The following SRBD1 variants were observed in gnomAD, a reference collection of about 807,000 sequenced individuals.
SRBD1 encodes the protein S1 RNA-binding domain-containing protein 1.
A neutral mutation model predicts 115.3 loss-of-function variants in SRBD1; 88 were observed. The ratio of observed to expected loss-of-function variants is 0.76; its 90% CI spans 0.64 to 0.91. The LOEUF is 0.91. SRBD1 is among the 40% of genes least tolerant of loss of function. The probability of loss-of-function intolerance (pLI) is 0.00; values close to 1 mark genes in which losing one functional copy is unlikely to be tolerated. For synonymous variants in SRBD1, 509 were observed against 407.7 expected (o/e 1.25, Z -2.99); for missense variants, 1,385 against 1,177.4 (o/e 1.18, Z -2.58).
At chr2:45,457,228 C>G (rs991581624) in intron 16 of SRBD1, among the ~76,000 whole-genome samples, 1 of 151,972 alleles carries the variant, frequency 6.6e-6, no homozygotes, top group South Asian at 2.1e-4. Context: ...TTATTTATAA[C>G]TGAATAATTT....
chr2:45,508,320 T>C (rs1670858387), intron 14 of SRBD1, among the ~76,000 whole-genome samples: 1 of 152,220 alleles, frequency 6.6e-6, no homozygotes, highest in Admixed American at 6.5e-5. Context: ...GAATTTAAAC[T>C]ACAGACTTCC....
intron 16 of SRBD1, among the ~76,000 whole-genome samples, chr2:45,455,929 C>G (rs566797852): frequency 1.3e-5 from 2 of 151,788 alleles, no homozygotes; most frequent in Non-Finnish European, 2.9e-5. Flanking sequence ...CTTGTTAAAA[C>G]TGTAACATTG....
At chr2:45,425,913 C>G (rs1476516265) in intron 16 of SRBD1, among the ~76,000 whole-genome samples, 1 of 152,150 alleles carries the variant, frequency 6.6e-6, no homozygotes, top group African/African-American at 2.4e-5. Flanking sequence ...AAGCACAAAA[C>G]TGGGCGGCCA....
At chr2:45,588,823 G>A (rs1572813745) in intron 4 of SRBD1, among the ~76,000 whole-genome samples, 1 of 152,202 alleles carries the variant, frequency 6.6e-6, no homozygotes, top group Non-Finnish European at 1.5e-5. Flanking sequence ...GGTGCTAAGA[G>A]AATAGTAGAT....
chr2:45,560,500 T>C (rs1368943679), intron 10 of SRBD1, among the ~76,000 whole-genome samples: 1 of 152,224 alleles, frequency 6.6e-6, no homozygotes, highest in Non-Finnish European at 1.5e-5. Context: ...GCTATACAGT[T>C]ACGTAGATTA....
At chr2:45,519,363 T>C (rs1160615228) in intron 14 of SRBD1, among the ~76,000 whole-genome samples, 1 of 152,100 alleles carries the variant, frequency 6.6e-6, no homozygotes. Context: ...AAACTAAACC[T>C]TGGCCGCCAT....
chr2:45,556,386 C>A (rs1310962010), intron 10 of SRBD1, among the ~76,000 whole-genome samples: 1 of 149,390 alleles, frequency 6.7e-6, no homozygotes, highest in Non-Finnish European at 1.5e-5. Flanking sequence ...GCAGAAGTGA[C>A]AGCAAACAGC....
At chr2:45,404,098 A>T (rs1258973800) in intron 19 of SRBD1, among the ~76,000 whole-genome samples, 1 of 152,154 alleles carries the variant, frequency 6.6e-6, no homozygotes, top group Non-Finnish European at 1.5e-5. Flanking sequence ...TGAAGCATAA[A>T]GGTTGTTCAA....
chr2:45,523,109 G>C (rs1671336660), intron 14 of SRBD1, among the ~76,000 whole-genome samples: 1 of 151,642 alleles, frequency 6.6e-6, no homozygotes, highest in South Asian at 2.1e-4. Context: ...AATGAAAAAG[G>C]ACATTAGAAA....
chr2:45,553,669 C>A lies in SRBD1; in HGVS notation c.1471G>T (p.Asp491Tyr). The stretch of plus-strand genomic sequence containing the variant: ...GGATAAATAAGGCGTTTAAAGGAAT[C>A]ATTCAGTGAATTATATAAGATCTTC... ...LMKILYNSLN[D>Y]SFKRLIYPLL... Residue 491 changes from aspartate (D) to tyrosine (Y), a missense_variant, in exon 11 of 21, where the codon GAT becomes TAT. Physicochemically the swap from Asp to Tyr is radical, Grantham distance 160. Coordinates refer to ENST00000263736, the MANE Select transcript of SRBD1 (RefSeq NM_018079.5). The A allele has an allele frequency of 6.2e-7, 1 of 1,607,678 alleles. No homozygotes were observed. The highest frequency in any genetic ancestry group is 1.1e-5 in the South Asian group (1 of 89,734).
Position 45,573,311 on chromosome 2 carries a change from A to T in SRBD1, c.1201T>A (p.Ser401Thr). 6.2e-7 allele frequency: 1 copy of T among 1,611,796 alleles called. No homozygotes were observed. The highest frequency in any genetic ancestry group is 8.5e-7 in the Non-Finnish European group (1 of 1,179,212). ...TTTTTTGAGGATACTTTTGCCAGAG[A>T]TGACTGGATACAAACATGTCTCTTC... ...CQKRHVCIQSSLAKVSSKKVN... is the reference protein window; with the variant it reads ...CQKRHVCIQSTLAKVSSKKVN... The change falls in exon 9 of 21, where the codon TCT (serine) becomes ACT (threonine). Residue 401 changes from serine (S) to threonine (T), a missense_variant. Physicochemically the swap from Ser to Thr is moderately conservative, Grantham distance 58 (BLOSUM62 1). Transcript: ENST00000263736.
rs769319031 is a variant in SRBD1 at position 45,580,655 on chromosome 2, G to A, written c.934-642C>T. Among the ~76,000 whole-genome samples the A allele has an allele frequency of 7.9e-4, 98 of 123,376 alleles. 1 individual carries two copies. Among genetic ancestry groups the A allele is most frequent in the Non-Finnish European group, 1.4e-3 (79 of 58,452 alleles). The allele number at this position is 123,376 out of a possible 152,430, so 80.9% of individuals were successfully genotyped here. A position where few individuals can be genotyped will look rare whatever the true frequency, so the allele number is the denominator to read the frequency against. ...ATTACAGGCGTGAGCCACCGCACCTGGCCGGTCAATTCTTCTACTTCTTTT... is the reference window on the plus strand; with the variant it reads ...ATTACAGGCGTGAGCCACCGCACCTAGCCGGTCAATTCTTCTACTTCTTTT... On this transcript the variant is annotated intron_variant, in intron 6 of 20. Coordinates refer to ENST00000263736, the MANE Select transcript of SRBD1 (RefSeq NM_018079.5).
intron 14 of SRBD1, among the ~76,000 whole-genome samples, chr2:45,519,995 T>C (rs895901224): frequency 6.6e-6 from 1 of 152,156 alleles, no homozygotes; most frequent in Non-Finnish European, 1.5e-5. Context: ...GACAGAAAAG[T>C]GATGATCTTA....
chr2:45,583,213 T>TAA (rs57312291), intron 5 of SRBD1, among the ~76,000 whole-genome samples: 1 of 145,778 alleles, frequency 6.9e-6, no homozygotes, highest in Non-Finnish European at 1.5e-5. Flanking sequence ...ACTTGTAAAT[T>TAA]AAAAAAAAAA....
chr2:45,528,315 A>T (rs1348517184), intron 14 of SRBD1, among the ~76,000 whole-genome samples: 4 of 151,820 alleles, frequency 2.6e-5, no homozygotes, highest in African/African-American at 9.7e-5. Context: ...TTAACATCTC[A>T]AAAGAAGAAT....
rs1673125167 is a variant in SRBD1, at chr2:45,574,736, G to A, written c.1073-13C>T. ...AGCGTTGAAAGCCCTTTAGGAGAAG[G>A]GTAAAAAGGAAAACAAAAACAAAAA... On this transcript the variant is annotated splice_polypyrimidine_tract_variant and intron_variant, in intron 7 of 20. Coordinates refer to ENST00000263736, the MANE Select transcript of SRBD1 (RefSeq NM_018079.5). 2 of 1,588,162 alleles carry A rather than the reference G, an allele frequency of 1.3e-6. No homozygotes were observed. Among genetic ancestry groups the A allele is most frequent in the African/African-American group, 1.4e-5 (1 of 73,032 alleles).
At chr2:45,401,529 C>A (rs570292719) in intron 19 of SRBD1, among the ~76,000 whole-genome samples, 1 of 152,190 alleles carries the variant, frequency 6.6e-6, no homozygotes, top group Non-Finnish European at 1.5e-5. Context: ...CAGAAAACTT[C>A]GGGCTTTTTC....
In SRBD1 at chr2:45,562,880, T is replaced by C. The variant is rs1672717237; in HGVS notation, c.1306-124A>G. 2.3e-5 allele frequency: 13 copies of C among 575,686 alleles called. No individual in the cohort carries two copies. In the South Asian group the frequency reaches 3.4e-4, roughly 15 times the overall value. 35.7% of individuals were successfully genotyped at this position (575,686 alleles called of 1,614,324 possible). On this transcript the variant is annotated intron_variant, in intron 9 of 20. Transcript: ENST00000263736. ...TATTAAACAAGAATACATTTTAAAA[T>C]AATCATTTACTTACACTTTTTTCAA...
At chr2:45,485,357 CTTGTTG>C (rs143341525) in intron 15 of SRBD1, among the ~76,000 whole-genome samples, 1 of 152,136 alleles carries the variant, frequency 6.6e-6, no homozygotes, top group Non-Finnish European at 1.5e-5. Flanking sequence ...AGCTTCAAAT[CTTGTTG>C]TTGTTGTTGC....
Sources: allele counts gnomAD v4.1 joint callset (sites outside exome capture counted in the v4.1 genomes callset), GRCh38; gene constraint gnomAD v4.1.1; transcripts MANE v1.5; gene names NCBI Gene and HGNC (gene_info 2026-07-23, HGNC 2026-07-21).